The following CELSR2 variants were observed in gnomAD, a reference collection of about 807,000 sequenced individuals.
CELSR2 encodes cadherin EGF LAG seven-pass G-type receptor 2.
Under a neutral mutation model 251.6 loss-of-function variants are expected in CELSR2, and 81 were observed. The ratio of observed to expected loss-of-function variants is 0.32; its 90% CI spans 0.27 to 0.39. CELSR2 has a LOEUF of 0.39. Ranked by LOEUF, CELSR2 falls within the 10% of genes least tolerant of loss-of-function variation. The pLI is 1.00. For missense variants in CELSR2, 3,365 were observed against 3,947.7 expected (o/e 0.85, Z 3.96); for synonymous variants, 1,721 against 1,670.5 (o/e 1.03, Z -0.74).
Position 109,264,483 on chromosome 1 carries a change from G to A in CELSR2, c.5319G>A (p.Gly1773=). Residue 1773 remains glycine (G), a synonymous_variant, in exon 11 of 34, where the codon GGG becomes GGA. Transcript: ENST00000271332. The part of the protein sequence containing the change: ...QGVRVSDTPE[G]VNSLDPSHGE... ...TGCGGGTGAGCGATACGCCGGAGGG[G>A]GTTAACAGCCTGGATCCCAGCCATG... 1.2e-6 allele frequency: 2 copies of A among 1,613,954 alleles called. No homozygotes were observed. The highest frequency in any genetic ancestry group is 1.1e-5 in the South Asian group (1 of 91,092).
chr1:109,270,348 C>T, intron 23 of CELSR2, 78 bp from the exon 24 acceptor site: 1 of 1,514,044 alleles, frequency 6.6e-7, no homozygotes, highest in Non-Finnish European at 9.1e-7. Flanking sequence ...CCCAGGCCCT[C>T]CTCCATGCCT....
rs1383189294 is a variant in CELSR2 at position 109,268,956 on chromosome 1, G to A, written c.6579G>A (p.Glu2193=). 1 of 1,613,638 alleles carries A rather than the reference G, an allele frequency of 6.2e-7. No homozygotes were observed. Among genetic ancestry groups the A allele is most frequent in the Non-Finnish European group, 8.5e-7 (1 of 1,179,698 alleles). The change falls in exon 19 of 34, where the codon GAG becomes GAA. Residue 2193 remains glutamate, a synonymous_variant. Transcript: ENST00000271332. ...CCCGCTACGAGGCCCTGCGTGGGGAGCAGCCCCCGGACCTTGAGACAACAG... is the reference window on the plus strand; with the variant it reads ...CCCGCTACGAGGCCCTGCGTGGGGAACAGCCCCCGGACCTTGAGACAACAG... The part of the protein sequence containing the change: ...KLPRYEALRG[E]QPPDLETTVI...
At position 109,269,705 on chromosome 1, in the gene CELSR2, C is replaced by A; in HGVS notation, c.6992C>A (p.Thr2331Lys). 3 of 1,614,154 alleles carry A rather than the reference C, an allele frequency of 1.9e-6. No homozygotes were observed. In the East Asian group the frequency reaches 6.7e-5, roughly 36 times the overall value. ...CCTTCCTCACACAGGGTCAGTGGCA[C>A]AGGTGGCTGGTCGGCCAGAGGCTGT... is the stretch of plus-strand genomic sequence containing the variant. ...FWNHSILVSGTGGWSARGCEV... is the reference protein window; with the variant it reads ...FWNHSILVSGKGGWSARGCEV... The change falls in exon 22 of 34, where the codon ACA becomes AAA. Residue 2331 changes from threonine to lysine, a missense_variant. Around this residue, in one of 5 missense-constraint regions of CELSR2, gnomAD observed 2,093 missense variants for 2,382.8 expected, o/e 0.88. Coordinates refer to ENST00000271332, the MANE Select transcript of CELSR2 (RefSeq NM_001408.3). The surrounding 1 kb of genome is among the most constrained non-coding windows in gnomAD (Gnocchi z 6.4).
In CELSR2 at chr1:109,268,578, C is replaced by T. The variant is rs779421218; in HGVS notation, c.6319-3C>T. 1 of 1,604,998 alleles carries T rather than the reference C, an allele frequency of 6.2e-7. No individual in the cohort carries two copies. Among genetic ancestry groups the T allele is most frequent in the South Asian group, 1.1e-5 (1 of 90,338 alleles). On this transcript the variant is annotated splice_region_variant and splice_polypyrimidine_tract_variant and intron_variant, in intron 17 of 33. Transcript: ENST00000271332. ...ACACCCACCGTGACCTTGCCCACCC[C>T]AGAATCTGCTGCGGGTGGGCAGCGC...
At chr1:109,263,400 C>T (rs1656082448) in intron 8 of CELSR2, 133 bp downstream of exon 8, 4 of 1,417,642 alleles carry the variant, frequency 2.8e-6, no homozygotes, top group Non-Finnish European at 3.8e-6. Flanking sequence ...TGGGCAGAGC[C>T]CTGAAAGGGC....
Position 109,261,439 on chromosome 1 carries a change from C to G in CELSR2, c.4182-74C>G. 1 of 1,453,628 alleles carries G rather than the reference C, an allele frequency of 6.9e-7. No homozygotes were observed. Among genetic ancestry groups the G allele is most frequent in the Non-Finnish European group, 9.7e-7 (1 of 1,034,966 alleles). 90.0% of individuals were successfully genotyped at this position (1,453,628 alleles called of 1,614,324 possible). The stretch of plus-strand genomic sequence containing the variant: ...TGCCAGCAGATCTCCCTCCCCTGCG[C>G]TGGTTAGGTGGCGGGGGTGCTGGCA... On this transcript the variant is annotated intron_variant, in intron 3 of 33. Coordinates refer to ENST00000271332, the MANE Select transcript of CELSR2 (RefSeq NM_001408.3). This position sits in a 1 kb window ranked among gnomAD's most constrained non-coding sequence, Gnocchi z 4.8.
Position 109,269,793 on chromosome 1 carries a change from T to A in CELSR2, c.7080T>A (p.Ala2360=). ...AGTGCAACCACATGACGAGCTTCGC[T>A]GTGCTCATGGACGTTTCTCGGCGGG... ...SCQCNHMTSF[A]VLMDVSRREN... is the part of the protein sequence containing the mutation. The change falls in exon 22 of 34, where the codon GCT becomes GCA. Residue 2360 remains alanine (A), a synonymous_variant. Coordinates refer to ENST00000271332, the MANE Select transcript of CELSR2 (RefSeq NM_001408.3). The surrounding 1 kb of genome is among the most constrained non-coding windows in gnomAD (Gnocchi z 6.4). 6.2e-7 allele frequency: 1 copy of A among 1,613,348 alleles called. No homozygotes were observed. The highest frequency in any genetic ancestry group is 8.5e-7 in the Non-Finnish European group (1 of 1,179,980).
At chr1:109,257,457 T>C (rs1655890826) in intron 1 of CELSR2, among the ~76,000 whole-genome samples, 1 of 152,128 alleles carries the variant, frequency 6.6e-6, no homozygotes, top group African/African-American at 2.4e-5. Context: ...TTCCCATGTG[T>C]ATGTGCATTC....
Position 109,269,621 on chromosome 1 carries a change from G to T in CELSR2, c.6980+30G>T. 1 of 1,613,232 alleles carries T rather than the reference G, an allele frequency of 6.2e-7. No homozygotes were observed. ...GCCTGCACTGCCCTCGCCCCCTCAG[G>T]CTTCGGGCTGAAAGTCCAGGCCCCT... On this transcript the variant is annotated intron_variant, in intron 21 of 33. Coordinates refer to ENST00000271332, the MANE Select transcript of CELSR2 (RefSeq NM_001408.3). This position sits in a 1 kb window ranked among gnomAD's most constrained non-coding sequence, Gnocchi z 6.4.
Position 109,273,172 on chromosome 1 carries a change from G to A in CELSR2, c.8345G>A (p.Gly2782Asp), listed in dbSNP as rs1419817288. The part of the protein sequence containing the change: ...LPLHSTPKDG[G>D]PGPGKAPWPG... ...TACTTCCTTTCCCCACCAGATGGGG[G>A]CCCAGGGCCTGGCAAGGCCCCCTGG... Residue 2782 changes from glycine (G) to aspartate (D), a missense_variant, in exon 32 of 34, where the codon GGC becomes GAC. Gly to Asp is a moderately conservative substitution (Grantham distance 94). Around this residue, in one of 5 missense-constraint regions of CELSR2, gnomAD observed 2,093 missense variants for 2,382.8 expected, o/e 0.88. Transcript: ENST00000271332. 1.9e-6 allele frequency: 3 copies of A among 1,607,754 alleles called. No individual in the cohort carries two copies. The highest frequency in any genetic ancestry group is 2.7e-5 in the African/African-American group (2 of 74,340).
At chr1:109,273,989 C>T (rs768794488) in intron 33 of CELSR2, 33 bp from the exon 34 acceptor site, 7 of 1,613,588 alleles carry the variant, frequency 4.3e-6, no homozygotes, top group Non-Finnish European at 5.9e-6. Flanking sequence ...CTCTGTCTGC[C>T]TTTTCTGCCA....
chr1:109,269,565 C>T lies in CELSR2; in HGVS notation c.6954C>T (p.Ile2318=). ...LLETEERTKP[I]CVFWNHSILV... is the part of the protein sequence containing the mutation. ...AGACAGAGGAGCGGACCAAGCCCAT[C>T]TGTGTCTTCTGGAACCATTCAATCC... Residue 2318 remains isoleucine (I), a synonymous_variant, in exon 21 of 34, where the codon ATC becomes ATT. Transcript: ENST00000271332. This position sits in a 1 kb window ranked among gnomAD's most constrained non-coding sequence, Gnocchi z 6.4. 6.2e-7 allele frequency: 1 copy of T among 1,614,156 alleles called. No homozygotes were observed.
At position 109,274,800 on chromosome 1, in the gene CELSR2, C is replaced by G. The variant is rs1359415349; in HGVS notation, c.*751C>G. 6.5e-6 allele frequency: 1 copy of G among 152,678 alleles called. No homozygotes were observed. Among genetic ancestry groups the G allele is most frequent in the Admixed American group, 6.5e-5 (1 of 15,282 alleles). The allele number at this position is 152,678 out of a possible 1,614,324, so 9.5% of individuals were successfully genotyped here. A position where few individuals can be genotyped will look rare whatever the true frequency, so the allele number is the denominator to read the frequency against. ...CCCTCTCCTTTTCCTGGACTCTGGC[C>G]GTGCGCGGCAGCCCAGGTGTTTGCT... On this transcript the variant is annotated 3_prime_UTR_variant, in exon 34 of 34. Coordinates refer to ENST00000271332, the MANE Select transcript of CELSR2 (RefSeq NM_001408.3).
intron 1 of CELSR2, among the ~76,000 whole-genome samples, chr1:109,256,829 T>C (rs1297486465): frequency 6.6e-6 from 1 of 152,154 alleles, no homozygotes; most frequent in Non-Finnish European, 1.5e-5. Flanking sequence ...CCAACTAATT[T>C]TTGTATTTTT....
rs1476492305 is a variant in CELSR2 at position 109,250,617 on chromosome 1, C to G, written c.538C>G (p.Gln180Glu). Reference sequence around the variant, plus strand: ...GAAAAGGAATGTAAATACAGCCCCCCAGTTCCAGCCCCCCAGCTACCAGGC... The same window carrying G: ...GAAAAGGAATGTAAATACAGCCCCCGAGTTCCAGCCCCCCAGCTACCAGGC... ...RRKRNVNTAP[Q>E]FQPPSYQATV... The change falls in exon 1 of 34, where the codon CAG becomes GAG. Residue 180 changes from glutamine (Q) to glutamate (E), a missense_variant. Coordinates refer to ENST00000271332, the MANE Select transcript of CELSR2 (RefSeq NM_001408.3). The surrounding 1 kb of genome is among the most constrained non-coding windows in gnomAD (Gnocchi z 4.4). 1 of 1,614,016 alleles carries G rather than the reference C, an allele frequency of 6.2e-7. No homozygotes were observed.
rs1656155652 is a variant in CELSR2, at chr1:109,265,328, A to G, written c.5727+17A>G. 1 of 1,586,810 alleles carries G rather than the reference A, an allele frequency of 6.3e-7. No individual in the cohort carries two copies. The highest frequency in any genetic ancestry group is 1.7e-5 in the Admixed American group (1 of 57,712). On this transcript the variant is annotated intron_variant, in intron 13 of 33. Transcript: ENST00000271332. ...CACTGCAAGGTGACAGCCCCAAGCA[A>G]GCCTCCACTGTGGCCACTTGGGCCT...
chr1:109,268,290 G>GC (rs1408846410), intron 17 of CELSR2, among the ~76,000 whole-genome samples: 1 of 152,250 alleles, frequency 6.6e-6, no homozygotes, highest in African/African-American at 2.4e-5. Context: ...GCAGAGGCCT[G>GC]CCTGTGGTAC....
rs756325737 is a variant in CELSR2 at position 109,270,620 on chromosome 1, GTCTTGGGGTCCCAC to G, written c.7483+21_7483+34del. The G allele has an allele frequency of 2.0e-6, 1 of 495,356 alleles. No homozygotes were observed. Among genetic ancestry groups the G allele is most frequent in the Non-Finnish European group, 3.0e-6 (1 of 338,284 alleles). The allele number at this position is 495,356 out of a possible 1,614,324, so 30.7% of individuals were successfully genotyped here. ...TCACAGGTACTCCCACCCATTCCCA[GTCTTGGGGTCCCAC>G]ATCCCTGGGTCCACCTTTGTGCCAT... On this transcript the variant is annotated intron_variant, in intron 24 of 33. Transcript: ENST00000271332.
Position 109,261,953 on chromosome 1 carries a change from C to T in CELSR2, c.4386+57C>T. 1 of 1,497,652 alleles carries T rather than the reference C, an allele frequency of 6.7e-7. No homozygotes were observed. The highest frequency in any genetic ancestry group is 1.2e-5 in the South Asian group (1 of 82,912). The allele number at this position is 1,497,652 out of a possible 1,614,324, so 92.8% of individuals were successfully genotyped here. ...TCTGTTCTTGCCTCAGGTGCTTACC[C>T]AGCCCTGAGTGGCATTGCCTCCAGG... is the stretch of plus-strand genomic sequence containing the variant. On this transcript the variant is annotated intron_variant, in intron 5 of 33. Coordinates refer to ENST00000271332, the MANE Select transcript of CELSR2 (RefSeq NM_001408.3). The surrounding 1 kb of genome is among the most constrained non-coding windows in gnomAD (Gnocchi z 4.8).
Sources: gnomAD v4.1 joint callset for allele counts (sites outside exome capture counted in the v4.1 genomes callset) on GRCh38, gnomAD v4.1.1 for gene constraint, gnomAD v4.1.1 regional missense constraint, Gnocchi (gnomAD v3.1) non-coding constraint, MANE v1.5 for transcripts, NCBI Gene and HGNC (gene_info 2026-07-23, HGNC 2026-07-21) for gene names.